The following RELN variants were observed in gnomAD, a reference collection of about 807,000 sequenced individuals.
RELN encodes reelin.
Under a neutral mutation model 427.6 loss-of-function variants are expected in RELN, and 108 were observed. The ratio of observed to expected loss-of-function variants is 0.25; its 90% CI spans 0.22 to 0.30. RELN has a LOEUF of 0.30. Ranked by LOEUF, RELN falls within the 10% of genes least tolerant of loss-of-function variation. The probability of loss-of-function intolerance (pLI) is 1.00; values close to 1 mark genes in which losing one functional copy is unlikely to be tolerated. For missense variants in RELN, 3,715 were observed against 4,302.8 expected (o/e 0.86, Z 3.82); for synonymous variants, 1,524 against 1,513.4 (o/e 1.01, Z -0.16).
At position 103,682,242 on chromosome 7, in the gene RELN, C is replaced by T. The variant is rs1265959108; in HGVS notation, c.1163G>A (p.Gly388Glu). ...ATTTCCATGGAAATAAATGGAGTTC[C>T]CATCTGACTGACAGCTATGCTGTAG... ...ATVKHSCQSDGNSIYFHGNEG... is the reference protein window; with the variant it reads ...ATVKHSCQSDENSIYFHGNEG... The change falls in exon 11 of 65, where the codon GGG (glycine) becomes GAG (glutamate). Residue 388 changes from glycine (G) to glutamate (E), a missense_variant. Around this residue, in one of 4 missense-constraint regions of RELN, gnomAD observed 2,208 missense variants for 2,361.7 expected, o/e 0.93. Coordinates refer to ENST00000428762, the MANE Select transcript of RELN (RefSeq NM_005045.4). 6.2e-7 allele frequency: 1 copy of T among 1,613,910 alleles called. No homozygotes were observed. Among genetic ancestry groups the T allele is most frequent in the South Asian group, 1.1e-5 (1 of 91,072 alleles).
At chr7:103,587,205 G>A (rs1242554185) in intron 28 of RELN, among the ~76,000 whole-genome samples, 1 of 152,094 alleles carries the variant, frequency 6.6e-6, no homozygotes, top group African/African-American at 2.4e-5. Context: ...GAACAGAATA[G>A]ATAATCCAGA....
chr7:103,728,094 G>C lies in RELN; in HGVS notation c.753+17C>G. On this transcript the variant is annotated intron_variant, in intron 7 of 64. Coordinates refer to ENST00000428762, the MANE Select transcript of RELN (RefSeq NM_005045.4). ...AATACTATAATGGAATAATGTACAT[G>C]AATAGCACATACTTACCAGTTCTCG... 1 of 1,608,644 alleles carries C rather than the reference G, an allele frequency of 6.2e-7. No individual in the cohort carries two copies. Among genetic ancestry groups the C allele is most frequent in the Non-Finnish European group, 8.5e-7 (1 of 1,175,284 alleles).
intron 4 of RELN, among the ~76,000 whole-genome samples, chr7:103,769,129 C>T (rs1395260033): frequency 1.3e-5 from 2 of 152,132 alleles, no homozygotes; most frequent in African/African-American, 4.8e-5. Flanking sequence ...TGAACCTGTG[C>T]TTTGGGCCAG....
intron 7 of RELN, among the ~76,000 whole-genome samples, chr7:103,725,460 C>T (rs13310931): frequency 2.2e-4 from 2 of 9,098 alleles, no homozygotes; most frequent in African/African-American, 4.5e-4. Flanking sequence ...GAGGCTGAGG[C>T]AGGAGGCTGA....
At chr7:103,838,208 C>CAA (rs58553259) in intron 2 of RELN, among the ~76,000 whole-genome samples, 19 of 81,096 alleles carry the variant, frequency 2.3e-4, no homozygotes, top group South Asian at 2.3e-3. Context: ...GACTTCGTCT[C>CAA]AAAAAAAAAA....
chr7:103,981,561 A>T (rs1431437582), intron 1 of RELN, among the ~76,000 whole-genome samples: 6 of 152,236 alleles, frequency 3.9e-5, no homozygotes, highest in Admixed American at 6.5e-5. Flanking sequence ...TAACTGGGAC[A>T]TCTGTGTGTT....
At chr7:103,783,955 C>G (rs192818386) in intron 3 of RELN, among the ~76,000 whole-genome samples, 1 of 151,886 alleles carries the variant, frequency 6.6e-6, no homozygotes, top group East Asian at 1.9e-4. Context: ...GTGAAAAACA[C>G]TTGGTAGTTG....
rs1016874114 is a variant in RELN at position 103,626,967 on chromosome 7, A to T, written c.2702+2973T>A. 6.6e-6 allele frequency among the ~76,000 whole-genome samples: 1 copy of T among 152,126 alleles called. No homozygotes were observed. The highest frequency in any genetic ancestry group is 2.4e-5 in the African/African-American group (1 of 41,458). On this transcript the variant is annotated intron_variant, in intron 20 of 64. Coordinates refer to ENST00000428762, the MANE Select transcript of RELN (RefSeq NM_005045.4). This position sits in a 1 kb window ranked among gnomAD's most constrained non-coding sequence, Gnocchi z 4.4. ...CTGGAAAAAAGTGCTCTAGGATGAC[A>T]TACTGGAAAGTGATTTGTAGCATAC... is the stretch of plus-strand genomic sequence containing the variant.
chr7:103,975,885 T>A (rs1324302977), intron 1 of RELN, among the ~76,000 whole-genome samples: 3 of 151,950 alleles, frequency 2.0e-5, no homozygotes, highest in African/African-American at 7.3e-5. Flanking sequence ...AGGGAAGGCC[T>A]CATGGAGAAG....
intron 51 of RELN, among the ~76,000 whole-genome samples, 155 bp from the exon 52 acceptor site, chr7:103,503,385 GAGAA>G (rs1829101048): frequency 6.6e-6 from 1 of 152,202 alleles, no homozygotes; most frequent in Non-Finnish European, 1.5e-5. Context: ...CTAATGGACA[GAGAA>G]AGTCACCATG....
chr7:103,722,622 T>C (rs1226233636), intron 8 of RELN, among the ~76,000 whole-genome samples: 1 of 152,176 alleles, frequency 6.6e-6, no homozygotes, highest in African/African-American at 2.4e-5. Flanking sequence ...GTAGGAACTT[T>C]TAGCTCTAAA....
intron 3 of RELN, among the ~76,000 whole-genome samples, chr7:103,779,786 G>A (rs1349776463): frequency 6.6e-6 from 1 of 152,162 alleles, no homozygotes; most frequent in Non-Finnish European, 1.5e-5. Context: ...GGAGTGCAGT[G>A]GCGTGATCTT....
chr7:103,833,999 A>G (rs1793339443), intron 2 of RELN, among the ~76,000 whole-genome samples: 1 of 152,214 alleles, frequency 6.6e-6, no homozygotes, highest in African/African-American at 2.4e-5. Flanking sequence ...AACTGTCTGC[A>G]GCAAGGGAGA....
At chr7:103,873,019 T>C (rs1351917710) in intron 2 of RELN, among the ~76,000 whole-genome samples, 3 of 152,004 alleles carry the variant, frequency 2.0e-5, no homozygotes, top group African/African-American at 7.2e-5. Context: ...CAGACCACAG[T>C]GCAATCAAAC....
chr7:103,754,966 G>T (rs942895657), intron 4 of RELN, among the ~76,000 whole-genome samples: 1 of 152,090 alleles, frequency 6.6e-6, no homozygotes, highest in Non-Finnish European at 1.5e-5. Flanking sequence ...TGATATCTAC[G>T]AAGAACATCC....
intron 2 of RELN, among the ~76,000 whole-genome samples, chr7:103,852,506 A>T (rs998996690): frequency 1.3e-5 from 2 of 152,182 alleles, no homozygotes; most frequent in South Asian, 4.1e-4. Context: ...TAATCAATGT[A>T]TGTAAAGTGT....
At chr7:103,639,869 T>C (rs1260576572) in intron 17 of RELN, among the ~76,000 whole-genome samples, 1 of 152,172 alleles carries the variant, frequency 6.6e-6, no homozygotes, top group Non-Finnish European at 1.5e-5. Context: ...TTTTGGGAAT[T>C]CCCAGAATAT....
At chr7:103,822,513 A>G (rs1167954125) in intron 3 of RELN, among the ~76,000 whole-genome samples, 1 of 152,098 alleles carries the variant, frequency 6.6e-6, no homozygotes, top group Admixed American at 6.6e-5. Flanking sequence ...AAAGGTAGAA[A>G]TGGCAGAGTA....
chr7:103,521,066 T>C (rs1166965107), intron 48 of RELN, among the ~76,000 whole-genome samples: 1 of 142,890 alleles, frequency 7.0e-6, no homozygotes, highest in Non-Finnish European at 1.5e-5. Context: ...AAGCTCCGCT[T>C]CCCGGGTTCA....
Sources: gnomAD v4.1 joint callset for allele counts (sites outside exome capture counted in the v4.1 genomes callset) on GRCh38, gnomAD v4.1.1 for gene constraint, gnomAD v4.1.1 regional missense constraint, Gnocchi (gnomAD v3.1) non-coding constraint, MANE v1.5 for transcripts, NCBI Gene and HGNC (gene_info 2026-07-23, HGNC 2026-07-21) for gene names.